The following KLHL18 variants were observed in gnomAD, a reference collection of about 807,000 sequenced individuals.
KLHL18 encodes the protein kelch like family member 18, also known as kelch-like protein 18.
A neutral mutation model predicts 58.5 loss-of-function variants in KLHL18; 38 were observed. That is an observed-to-expected ratio of 0.65 (90% CI 0.50 to 0.85). The LOEUF is 0.85. KLHL18 is among the 40% of genes least tolerant of loss of function. The pLI, the probability that KLHL18 is intolerant of heterozygous loss-of-function variation, is 0.00. For missense variants in KLHL18, 624 were observed against 778.4 expected, an observed-to-expected ratio of 0.80 and a Z score of 2.36; for synonymous variants, 303 against 301.9, an observed-to-expected ratio of 1.00 and a Z score of -0.04.
intron 1 of KLHL18, among the ~76,000 whole-genome samples, chr3:47,300,322 T>C (rs1187108988): frequency 1.4e-5 from 2 of 147,796 alleles, no homozygotes; most frequent in Non-Finnish European, 3.0e-5. Flanking sequence ...TGTGTATATA[T>C]GTATATGTAT....
intron 1 of KLHL18, among the ~76,000 whole-genome samples, chr3:47,290,547 G>A (rs976122519): frequency 4.0e-5 from 6 of 151,642 alleles, no homozygotes; most frequent in African/African-American, 4.9e-5. Flanking sequence ...CTGCAGCGTC[G>A]AAATCCCTGG....
At chr3:47,331,621 C>T (rs949960526) in intron 4 of KLHL18, among the ~76,000 whole-genome samples, 3 of 149,438 alleles carry the variant, frequency 2.0e-5, no homozygotes, top group Non-Finnish European at 3.0e-5. Context: ...TTAGTAGAGA[C>T]GGGGTTTCAC....
At chr3:47,306,068 C>G (rs1414624251) in intron 1 of KLHL18, among the ~76,000 whole-genome samples, 1 of 151,782 alleles carries the variant, frequency 6.6e-6, no homozygotes, top group Non-Finnish European at 1.5e-5. Context: ...GATTTCTGCT[C>G]CTTTTAATTT....
Position 47,322,631 on chromosome 3 carries a change from C to G in KLHL18, c.324C>G (p.Val108=), listed in dbSNP as rs763799920. 6.2e-7 allele frequency: 1 copy of G among 1,604,612 alleles called. No homozygotes were observed. Among genetic ancestry groups the G allele is most frequent in the African/African-American group, 1.3e-5 (1 of 74,536 alleles). ...ACCTTGCCATTGACCAGCAAAATGT[C>G]CAGTCATTGCTGATGGGGGCGAGCT... ...NGNLAIDQQN[V]QSLLMGASFL... is the part of the protein sequence containing the mutation. The change falls in exon 3 of 10, where the codon GTC becomes GTG. Residue 108 remains valine (V), a synonymous_variant. Transcript: ENST00000232766.
chr3:47,335,912 C>T (rs1425433970), intron 6 of KLHL18, among the ~76,000 whole-genome samples: 6 of 152,116 alleles, frequency 3.9e-5, no homozygotes, highest in African/African-American at 1.4e-4. Flanking sequence ...CACGCTGGAG[C>T]GGCGTGCAAA....
intron 1 of KLHL18, among the ~76,000 whole-genome samples, chr3:47,284,595 C>T (rs1357836622): frequency 2.0e-5 from 3 of 152,072 alleles, no homozygotes; most frequent in South Asian, 2.1e-4. Context: ...TCTCGGCCTC[C>T]CAAAGTGCTA....
intron 1 of KLHL18, among the ~76,000 whole-genome samples, chr3:47,297,865 T>G (rs1702929528): frequency 2.0e-5 from 3 of 152,094 alleles, no homozygotes; most frequent in African/African-American, 7.2e-5. Context: ...CAATATAATG[T>G]GTGCTGTAGT....
chr3:47,308,114 TATC>T (rs1703191610), intron 1 of KLHL18, among the ~76,000 whole-genome samples: 1 of 152,202 alleles, frequency 6.6e-6, no homozygotes, highest in African/African-American at 2.4e-5. Flanking sequence ...GATTACTACT[TATC>T]ATGCACTTTC....
rs1161064478 is a variant in KLHL18 at position 47,340,577 on chromosome 3, T to C, written c.1127T>C (p.Met376Thr). The change falls in exon 8 of 10, where the codon ATG becomes ACG. Residue 376 changes from methionine (M) to threonine (T), a missense_variant. By Grantham distance (81) the Met-to-Thr change is moderately conservative. Coordinates refer to ENST00000232766, the MANE Select transcript of KLHL18 (RefSeq NM_025010.5). ...VGSMNSKRSAMGTVVLDGQIY... is the reference protein window; with the variant it reads ...VGSMNSKRSATGTVVLDGQIY... Reference sequence around the variant, plus strand: ...GACAGCTCTGTCTGTTTCAGTGCCATGGGGACAGTCGTGCTGGATGGGCAG... The same window carrying C: ...GACAGCTCTGTCTGTTTCAGTGCCACGGGGACAGTCGTGCTGGATGGGCAG... 1.2e-6 allele frequency: 2 copies of C among 1,613,844 alleles called. No individual in the cohort carries two copies. The highest frequency in any genetic ancestry group is 2.2e-5 in the East Asian group (1 of 44,892).
intron 1 of KLHL18, among the ~76,000 whole-genome samples, chr3:47,288,946 A>G (rs1702735342): frequency 6.6e-6 from 1 of 152,170 alleles, no homozygotes; most frequent in Admixed American, 6.5e-5. Context: ...CTCAGGAAGC[A>G]TTGTCTGATT....
chr3:47,304,333 C>T (rs1187876379), intron 1 of KLHL18, among the ~76,000 whole-genome samples: 9 of 151,826 alleles, frequency 5.9e-5, no homozygotes, highest in African/African-American at 9.7e-5. Context: ...AGCAAAACTC[C>T]GTGTCTCCAA....
chr3:47,305,651 T>A (rs1347662456), intron 1 of KLHL18, among the ~76,000 whole-genome samples: 1 of 152,168 alleles, frequency 6.6e-6, no homozygotes, highest in Non-Finnish European at 1.5e-5. Flanking sequence ...CTTAATCTTC[T>A]GTTTTCTGGA....
intron 1 of KLHL18, among the ~76,000 whole-genome samples, chr3:47,310,589 GTC>G (rs1240999510): frequency 6.6e-6 from 1 of 152,112 alleles, no homozygotes; most frequent in Non-Finnish European, 1.5e-5. Flanking sequence ...TTTCTACATA[GTC>G]TCTGTTTAGA....
chr3:47,284,614 C>T (rs1576124290), intron 1 of KLHL18, among the ~76,000 whole-genome samples: 1 of 151,916 alleles, frequency 6.6e-6, no homozygotes, highest in Non-Finnish European at 1.5e-5. Flanking sequence ...TAGAATTACA[C>T]GCGTGAGTCA....
At chr3:47,329,103 T>C (rs1390942787) in intron 3 of KLHL18, among the ~76,000 whole-genome samples, 1 of 149,732 alleles carries the variant, frequency 6.7e-6, no homozygotes, top group Non-Finnish European at 1.5e-5. Flanking sequence ...CACTCCAGCC[T>C]GGGGGACAAA....
intron 6 of KLHL18, among the ~76,000 whole-genome samples, chr3:47,335,275 G>T (rs909348082): frequency 3.3e-5 from 5 of 152,154 alleles, no homozygotes; most frequent in African/African-American, 1.2e-4. Context: ...GATCTCTGGG[G>T]TTAGACTGAG....
Position 47,319,775 on chromosome 3 carries a change from G to T in KLHL18, c.252G>T (p.Met84Ile), listed in dbSNP as rs938961971. ...AGGATGAGATTGTAATGCAAGGAATGGACCCAAGGTACTGAATCCCACCAT... is the reference window on the plus strand; with the variant it reads ...AGGATGAGATTGTAATGCAAGGAATTGACCCAAGGTACTGAATCCCACCAT... Reference protein sequence around the residue: ...CKQDEIVMQGMDPSALEALIN... With the variant: ...CKQDEIVMQGIDPSALEALIN... The change falls in exon 2 of 10, where the codon ATG becomes ATT. Residue 84 changes from methionine (M) to isoleucine (I), a missense_variant. Coordinates refer to ENST00000232766, the MANE Select transcript of KLHL18 (RefSeq NM_025010.5). The T allele has an allele frequency of 1.2e-6, 2 of 1,613,596 alleles. No homozygotes were observed. The highest frequency in any genetic ancestry group is 1.3e-5 in the African/African-American group (1 of 75,030).
At chr3:47,336,819 A>T in intron 7 of KLHL18, 62 bp downstream of exon 7, 2 of 1,330,920 alleles carry the variant, frequency 1.5e-6, no homozygotes, top group Non-Finnish European at 2.2e-6. Context: ...GCGCCATGCT[A>T]GACGAGCAGG....
chr3:47,303,636 T>C (rs1281666061), intron 1 of KLHL18, among the ~76,000 whole-genome samples: 1 of 152,242 alleles, frequency 6.6e-6, no homozygotes. Context: ...TCACCTAGGC[T>C]GGCTTCAAAC....
Sources: gnomAD v4.1 joint callset for allele counts (sites outside exome capture counted in the v4.1 genomes callset) on GRCh38, gnomAD v4.1.1 for gene constraint, MANE v1.5 for transcripts, NCBI Gene and HGNC (gene_info 2026-07-23, HGNC 2026-07-21) for gene names.